The following API5 variants were observed in gnomAD, a reference collection of about 807,000 sequenced individuals.
API5 encodes apoptosis inhibitor 5.
A neutral mutation model predicts 71.9 loss-of-function variants in API5; 6 were observed. That is an observed-to-expected ratio of 0.08 (90% CI 0.05 to 0.16). The LOEUF (loss-of-function observed/expected upper bound fraction) is 0.16, where lower values mean the gene tolerates loss of function less well. Ranked by LOEUF, API5 falls within the 10% of genes least tolerant of loss-of-function variation. The pLI is 1.00. For synonymous variants in API5, 189 were observed against 221.3 expected, an observed-to-expected ratio of 0.85 and a Z score of 1.30; for missense variants, 332 against 612.8, an observed-to-expected ratio of 0.54 and a Z score of 4.84.
At chr11:43,325,008 A>G (rs1855021420) in intron 6 of API5, among the ~76,000 whole-genome samples, 1 of 152,096 alleles carries the variant, frequency 6.6e-6, no homozygotes, top group Admixed American at 6.6e-5. Context: ...AGAATCAAGG[A>G]AGAGATCAAA....
Position 43,342,653 on chromosome 11 carries a change from A to G in API5, c.*143A>G, listed in dbSNP as rs1855660437. On this transcript the variant is annotated 3_prime_UTR_variant, in exon 14 of 14. Transcript: ENST00000531273. ...TGTTCTTTATACCTTTGTATGTATGACCTACTTTTGTAACAGACCATGGTT... is the reference window on the plus strand; with the variant it reads ...TGTTCTTTATACCTTTGTATGTATGGCCTACTTTTGTAACAGACCATGGTT... 4.8e-6 allele frequency: 4 copies of G among 836,604 alleles called. No individual in the cohort carries two copies. The highest frequency in any genetic ancestry group is 4.3e-5 in the South Asian group (3 of 70,194). 51.8% of individuals were successfully genotyped at this position (836,604 alleles called of 1,614,324 possible).
rs895320243 is a variant in API5 at position 43,322,287 on chromosome 11, T to C, written c.543+151T>C. On this transcript the variant is annotated intron_variant, in intron 5 of 13. Transcript: ENST00000531273. ...CACCATAGAACTTCTAAGTTTTTCTTAGATTGAATTTAGCACTTTTGTCGG... is the reference window on the plus strand; with the variant it reads ...CACCATAGAACTTCTAAGTTTTTCTCAGATTGAATTTAGCACTTTTGTCGG... 2.9e-5 allele frequency: 20 copies of C among 683,546 alleles called. No homozygotes were observed. In the Admixed American group the frequency reaches 7.4e-4, roughly 25 times the overall value. 42.3% of individuals were successfully genotyped at this position (683,546 alleles called of 1,614,324 possible).
Position 43,318,978 on chromosome 11 carries a change from A to G in API5, c.231+177A>G, listed in dbSNP as rs922500785. 4.7e-5 allele frequency: 25 copies of G among 531,392 alleles called. No homozygotes were observed. The Admixed American group carries it at 5.2e-4, about 11-fold the overall frequency. The allele number at this position is 531,392 out of a possible 1,614,324, so 32.9% of individuals were successfully genotyped here. A position where few individuals can be genotyped will look rare whatever the true frequency, so the allele number is the denominator to read the frequency against. On this transcript the variant is annotated intron_variant, in intron 2 of 13. Coordinates refer to ENST00000531273, the MANE Select transcript of API5 (RefSeq NM_001142930.2). ...TGATAAAGTGTATTAGCCTTTTTCA[A>G]CACCTTTAAATTATGAAAAATGCAT... is the stretch of plus-strand genomic sequence containing the variant.
chr11:43,335,303 A>G lies in API5; in HGVS notation c.1304A>G (p.Tyr435Cys), dbSNP rs749331551. The change falls in exon 12 of 14, where the codon TAT becomes TGT. Residue 435 changes from tyrosine (Y) to cysteine (C), a missense_variant. This residue lies in a region of API5 where 168 missense variants were observed against 343.9 expected (regional missense o/e 0.49). Coordinates refer to ENST00000531273, the MANE Select transcript of API5 (RefSeq NM_001142930.2). ...IKDLFHIPPSYKSTVTLSWKP... is the reference protein window; with the variant it reads ...IKDLFHIPPSCKSTVTLSWKP... The stretch of plus-strand genomic sequence containing the variant: ...GATCTCTTCCACATTCCTCCTTCTT[A>G]TAAGAGCACAGTAACACTATCCTGG... The G allele has an allele frequency of 2.5e-6, 4 of 1,606,902 alleles. No individual in the cohort carries two copies. Among genetic ancestry groups the G allele is most frequent in the Non-Finnish European group, 3.4e-6 (4 of 1,173,886 alleles).
intron 11 of API5, among the ~76,000 whole-genome samples, chr11:43,333,082 T>A (rs1459349410): frequency 6.6e-6 from 1 of 152,196 alleles, no homozygotes; most frequent in African/African-American, 2.4e-5. Flanking sequence ...TTAGGAAATT[T>A]CAAGAATTAT....
At chr11:43,325,415 A>G (rs1241800034) in intron 6 of API5, among the ~76,000 whole-genome samples, 1 of 152,258 alleles carries the variant, frequency 6.6e-6, no homozygotes, top group African/African-American at 2.4e-5. Context: ...GGACAAGACA[A>G]CGTCAAAGCC....
At position 43,326,564 on chromosome 11, in the gene API5, C is replaced by A. The variant is rs753013423; in HGVS notation, c.808C>A (p.Leu270Ile). The change falls in exon 7 of 14, where the codon CTC becomes ATC. Residue 270 changes from leucine to isoleucine, a missense_variant. Physicochemically the swap from Leu to Ile is conservative, Grantham distance 5 (BLOSUM62 2). Transcript: ENST00000531273. ...TTTCTGTGAGCAGGTTCTCCCTAAC[C>A]TCGGTACCTTGACTACCCCAGTGGA... is the stretch of plus-strand genomic sequence containing the variant. Reference protein sequence around the residue: ...TYFCEQVLPNLGTLTTPVEGL... With the variant: ...TYFCEQVLPNIGTLTTPVEGL... 6 of 1,610,772 alleles carry A rather than the reference C, an allele frequency of 3.7e-6. No individual in the cohort carries two copies. The African/African-American group carries it at 8.0e-5, about 22-fold the overall frequency.
In API5 at chr11:43,328,730, C is replaced by A. The variant is rs200528483; in HGVS notation, c.964C>A (p.Pro322Thr). The stretch of plus-strand genomic sequence containing the variant: ...CTCTTAGGAATACATGCCCCTCCCT[C>A]CAGAAGAGGCAGAAAATGGAGAGAA... ...DKLLEYMPLPPEEAENGENAG... is the reference protein window; with the variant it reads ...DKLLEYMPLPTEEAENGENAG... Residue 322 changes from proline (P) to threonine (T), a missense_variant, in exon 9 of 14, where the codon CCA (proline) becomes ACA (threonine). Around this residue, in one of 3 missense-constraint regions of API5, gnomAD observed 168 missense variants for 343.9 expected, o/e 0.49. Coordinates refer to ENST00000531273, the MANE Select transcript of API5 (RefSeq NM_001142930.2). The A allele has an allele frequency of 9.3e-6, 15 of 1,613,546 alleles. No homozygotes were observed. The highest frequency in any genetic ancestry group is 2.5e-6 in the Non-Finnish European group (3 of 1,179,700).
At chr11:43,335,445 C>A in intron 12 of API5, 91 bp downstream of exon 12, 1 of 733,602 alleles carries the variant, frequency 1.4e-6, no homozygotes, top group Non-Finnish European at 2.3e-6. Flanking sequence ...TTAAATGATT[C>A]ATAATAGCAT....
chr11:43,315,892 TTTAC>T (rs145165325), intron 1 of API5, among the ~76,000 whole-genome samples: 4,273 of 152,302 alleles, frequency 0.028, 88 homozygotes, highest in Non-Finnish European at 0.045. Context: ...TTATTATGAA[TTTAC>T]TTACTTTAAA....
At chr11:43,315,328 T>C (rs1854633877) in intron 1 of API5, among the ~76,000 whole-genome samples, 1 of 152,170 alleles carries the variant, frequency 6.6e-6, no homozygotes, top group African/African-American at 2.4e-5. Flanking sequence ...CAGACTTGTA[T>C]TTTATTTTAT....
intron 1 of API5, among the ~76,000 whole-genome samples, chr11:43,317,280 G>T (rs1854705460): frequency 1.3e-5 from 2 of 152,148 alleles, no homozygotes; most frequent in Non-Finnish European, 2.9e-5. Context: ...ATCTTTATCA[G>T]TGTCATTTCA....
rs1050756481 is a variant in API5, at chr11:43,343,443, A to G, written c.*933A>G. On this transcript the variant is annotated 3_prime_UTR_variant, in exon 14 of 14. Coordinates refer to ENST00000531273, the MANE Select transcript of API5 (RefSeq NM_001142930.2). ...GCTGCATTTTCAAAGATAAATTGGAATTGCTGTTGGTGAAATAACAACCAA... is the reference window on the plus strand; with the variant it reads ...GCTGCATTTTCAAAGATAAATTGGAGTTGCTGTTGGTGAAATAACAACCAA... 2 of 152,576 alleles carry G rather than the reference A, an allele frequency of 1.3e-5. No homozygotes were observed. Among genetic ancestry groups the G allele is most frequent in the African/African-American group, 4.8e-5 (2 of 41,456 alleles). The allele number at this position is 152,576 out of a possible 1,614,324, so 9.5% of individuals were successfully genotyped here.
Position 43,326,568 on chromosome 11 carries a change from G to A in API5, c.812G>A (p.Gly271Asp). 3 of 1,610,312 alleles carry A rather than the reference G, an allele frequency of 1.9e-6. No individual in the cohort carries two copies. The highest frequency in any genetic ancestry group is 2.5e-6 in the Non-Finnish European group (3 of 1,178,094). ...YFCEQVLPNL[G>D]TLTTPVEGLD... is the part of the protein sequence containing the mutation. ...TGTGAGCAGGTTCTCCCTAACCTCG[G>A]TACCTTGACTACCCCAGTGGAAGGT... The change falls in exon 7 of 14, where the codon GGT becomes GAT. Residue 271 changes from glycine (G) to aspartate (D), a missense_variant. Physicochemically the swap from Gly to Asp is moderately conservative, Grantham distance 94. Transcript: ENST00000531273.
In API5 at chr11:43,312,208, C is replaced by A. The variant is rs777710071; in HGVS notation, c.69+12C>A. 4 of 1,612,626 alleles carry A rather than the reference C, an allele frequency of 2.5e-6. No homozygotes were observed. Among genetic ancestry groups the A allele is most frequent in the Middle Eastern group, 3.4e-4 (2 of 5,958 alleles). Reference sequence around the variant, plus strand: ...AGCAAGTGGGCCAGGTGAGTTGAGTCCCCGGGCGGCCTGCAGGGCCTGGCG... The same window carrying A: ...AGCAAGTGGGCCAGGTGAGTTGAGTACCCGGGCGGCCTGCAGGGCCTGGCG... On this transcript the variant is annotated intron_variant, in intron 1 of 13. Coordinates refer to ENST00000531273, the MANE Select transcript of API5 (RefSeq NM_001142930.2).
intron 11 of API5, among the ~76,000 whole-genome samples, chr11:43,331,796 C>A (rs1392538132): frequency 1.3e-5 from 2 of 152,214 alleles, no homozygotes; most frequent in South Asian, 2.1e-4. Flanking sequence ...GAAGGAGTAT[C>A]ATAGTGCCAA....
At chr11:43,315,265 G>C (rs372510020) in intron 1 of API5, among the ~76,000 whole-genome samples, 1 of 152,138 alleles carries the variant, frequency 6.6e-6, no homozygotes, top group South Asian at 2.1e-4. Context: ...CCCCAAAGCA[G>C]ATCAAATCCT....
Position 43,312,020 on chromosome 11 carries a change from A to G in API5, c.-108A>G, listed in dbSNP as rs1015581997. ...GGTGACTGGCGGCTGCACTGGCGGC[A>G]GCTGGAGGTGTAATAGTGCGGGTAG... On this transcript the variant is annotated 5_prime_UTR_variant, in exon 1 of 14. Transcript: ENST00000531273. The G allele has an allele frequency of 2.4e-6, 3 of 1,248,036 alleles. No homozygotes were observed. Among genetic ancestry groups the G allele is most frequent in the South Asian group, 1.3e-5 (1 of 74,398 alleles). The allele number at this position is 1,248,036 out of a possible 1,614,324, so 77.3% of individuals were successfully genotyped here.
At position 43,328,807 on chromosome 11, in the gene API5, G is replaced by A. The variant is rs754501980; in HGVS notation, c.1041G>A (p.Leu347=). The A allele has an allele frequency of 6.2e-7, 1 of 1,614,028 alleles. No homozygotes were observed. The highest frequency in any genetic ancestry group is 2.2e-5 in the East Asian group (1 of 44,884). The change falls in exon 9 of 14, where the codon TTG becomes TTA. Residue 347 remains leucine (L), a synonymous_variant. Transcript: ENST00000531273. ...AGTTCAGTTATGTGGAATGTTTGTT[G>A]TACAGTTTTCACCAGTTGGGCCGAA... ...KLQFSYVECL[L]YSFHQLGRKL...
Sources: allele counts gnomAD v4.1 joint callset (sites outside exome capture counted in the v4.1 genomes callset), GRCh38; gene constraint gnomAD v4.1.1; regional missense constraint gnomAD v4.1.1; transcripts MANE v1.5; gene names NCBI Gene and HGNC (gene_info 2026-07-23, HGNC 2026-07-21).